Variants in DNAH9 observed in about 807,000 individuals in gnomAD.
DNAH9 encodes the protein dynein axonemal heavy chain 9, also known as DNAH9 variant protein.
Under a neutral mutation model 471.6 loss-of-function variants are expected in DNAH9, and 345 were observed. The ratio of observed to expected loss-of-function variants is 0.73; its 90% CI spans 0.67 to 0.80. DNAH9 has a LOEUF of 0.80. Ranked by LOEUF, DNAH9 falls within the 30% of genes least tolerant of loss-of-function variation. The pLI is 0.00. For synonymous variants in DNAH9, 2,093 were observed against 2,123.6 expected, an observed-to-expected ratio of 0.99 and a Z score of 0.40; for missense variants, 5,407 against 5,609.2, an observed-to-expected ratio of 0.96 and a Z score of 1.15.
chr17:11,783,549 C>A, intron 39 of DNAH9, 97 bp from the exon 40 acceptor site: 1 of 827,554 alleles, frequency 1.2e-6, no homozygotes. Context: ...ATCACCCAAA[C>A]ACATGAACAG....
chr17:11,625,430 A>G (rs1214292944), intron 6 of DNAH9, among the ~76,000 whole-genome samples: 1 of 152,168 alleles, frequency 6.6e-6, no homozygotes, highest in Non-Finnish European at 1.5e-5. Context: ...CCCGGCTTGA[A>G]TATGTGGTCA....
intron 10 of DNAH9, among the ~76,000 whole-genome samples, chr17:11,643,959 G>T (rs2073328916): frequency 6.6e-6 from 1 of 152,212 alleles, no homozygotes; most frequent in African/African-American, 2.4e-5. Flanking sequence ...TGGTACGCTT[G>T]TGTAGGACAC....
At chr17:11,728,271 A>G (rs939980249) in intron 28 of DNAH9, among the ~76,000 whole-genome samples, 4 of 152,232 alleles carry the variant, frequency 2.6e-5, no homozygotes, top group Non-Finnish European at 5.9e-5. Context: ...GTTATAAACC[A>G]AGGCTTAAAT....
Position 11,969,322 on chromosome 17 carries a change from A to T in DNAH9, c.13256A>T (p.Lys4419Met). 6.2e-7 allele frequency: 1 copy of T among 1,614,038 alleles called. No individual in the cohort carries two copies. The highest frequency in any genetic ancestry group is 1.7e-5 in the Admixed American group (1 of 60,014). Residue 4419 changes from lysine to methionine, a missense_variant, in exon 69 of 69, where the codon AAG becomes ATG. This residue lies in a region of DNAH9 where 4,636 missense variants were observed against 4,900.3 expected (regional missense o/e 0.95). Coordinates refer to ENST00000262442, the MANE Select transcript of DNAH9 (RefSeq NM_001372.4). ...CAGGCTGGGATCATTACAGAGGCAA[A>T]GCTGAAGGATCTGACACCCCCTATG... ...DTQAGIITEA[K>M]LKDLTPPMPV...
At chr17:11,958,438 A>G (rs1288063711) in intron 67 of DNAH9, among the ~76,000 whole-genome samples, 1 of 152,224 alleles carries the variant, frequency 6.6e-6, no homozygotes, top group Non-Finnish European at 1.5e-5. Context: ...ATATACTAAA[A>G]TGGTGGATAC....
At chr17:11,794,735 G>T (rs1969184073) in intron 42 of DNAH9, among the ~76,000 whole-genome samples, 1 of 152,068 alleles carries the variant, frequency 6.6e-6, no homozygotes, top group African/African-American at 2.4e-5. Context: ...TTGTTTCTGT[G>T]TTTCCCAAAA....
At chr17:11,631,027 T>TG (rs1380281334) in intron 7 of DNAH9, among the ~76,000 whole-genome samples, 1 of 152,030 alleles carries the variant, frequency 6.6e-6, no homozygotes, top group Non-Finnish European at 1.5e-5. Flanking sequence ...ATTAGTGACT[T>TG]GGGGAGGTAT....
intron 1 of DNAH9, among the ~76,000 whole-genome samples, chr17:11,603,004 C>A (rs947975828): frequency 1.3e-5 from 2 of 152,168 alleles, no homozygotes; most frequent in African/African-American, 4.8e-5. Context: ...GTGCCATGCT[C>A]CTTCATGATC....
chr17:11,881,431 A>C lies in DNAH9; in HGVS notation c.10806+18A>C, dbSNP rs370513508. On this transcript the variant is annotated intron_variant, in intron 55 of 68. Transcript: ENST00000262442. Reference sequence around the variant, plus strand: ...AGCTGAAGGTGAGGACAGAAGGGAGAAAATGTTCTGCCACTAGAGCCTGCA... The same window carrying C: ...AGCTGAAGGTGAGGACAGAAGGGAGCAAATGTTCTGCCACTAGAGCCTGCA... The C allele has an allele frequency of 8.1e-6, 13 of 1,602,718 alleles. No homozygotes were observed. The highest frequency in any genetic ancestry group is 1.1e-5 in the Non-Finnish European group (13 of 1,173,968).
chr17:11,822,819 A>C lies in DNAH9; in HGVS notation c.9031A>C (p.Ile3011Leu). The change falls in exon 48 of 69, where the codon ATT becomes CTT. Residue 3011 changes from isoleucine (I) to leucine (L), a missense_variant. Physicochemically the swap from Ile to Leu is conservative, Grantham distance 5. Around this residue, in one of 3 missense-constraint regions of DNAH9, gnomAD observed 4,636 missense variants for 4,900.3 expected, o/e 0.95. Transcript: ENST00000262442. ...GTTTTAGCCCACAGTAAAGCAGTCG[A>C]TTAGCAAATTCATGGCCTTTGTCCA... is the stretch of plus-strand genomic sequence containing the variant. ...EGIEPTVKQS[I>L]SKFMAFVHTS... The C allele has an allele frequency of 6.2e-7, 1 of 1,614,230 alleles. No individual in the cohort carries two copies. The highest frequency in any genetic ancestry group is 8.5e-7 in the Non-Finnish European group (1 of 1,180,044).
intron 4 of DNAH9, 124 bp from the exon 5 acceptor site, chr17:11,617,287 T>C: frequency 6.2e-6 from 4 of 646,356 alleles, no homozygotes; most frequent in Non-Finnish European, 1.1e-5. Flanking sequence ...GCTAGGAAGT[T>C]TTCTGGAACC....
chr17:11,801,291 A>G (rs1969448715), intron 43 of DNAH9, among the ~76,000 whole-genome samples: 2 of 152,028 alleles, frequency 1.3e-5, no homozygotes, highest in Admixed American at 1.3e-4. Flanking sequence ...TATCCCCCTA[A>G]TCTGATGTGA....
In DNAH9 at chr17:11,763,516, A is replaced by G; in HGVS notation, c.7072A>G (p.Thr2358Ala). 6.2e-7 allele frequency: 1 copy of G among 1,613,932 alleles called. No homozygotes were observed. The highest frequency in any genetic ancestry group is 8.5e-7 in the Non-Finnish European group (1 of 1,179,804). Residue 2358 changes from threonine to alanine, a missense_variant, in exon 36 of 69, where the codon ACG (threonine) becomes GCG (alanine). Thr to Ala is a moderately conservative substitution (Grantham distance 58). This residue lies in a region of DNAH9 where 4,636 missense variants were observed against 4,900.3 expected (regional missense o/e 0.95). Transcript: ENST00000262442. ...TCACCTTCTGGAATGTCTCCTGACC[A>G]CGGAGGACATCCCTGCAGACTGCCC... ...VCHLLECLLT[T>A]EDIPADCPKE...
At chr17:11,945,451 C>T (rs937057053) in intron 67 of DNAH9, among the ~76,000 whole-genome samples, 2 of 151,024 alleles carry the variant, frequency 1.3e-5, no homozygotes, top group East Asian at 3.9e-4. Context: ...GCAGGAGAAT[C>T]GCTTTAACCT....
chr17:11,654,713 C>G (rs1156667218), intron 14 of DNAH9, among the ~76,000 whole-genome samples: 1 of 151,902 alleles, frequency 6.6e-6, no homozygotes, highest in African/African-American at 2.4e-5. Flanking sequence ...ATCTACTATA[C>G]ACTACCATAC....
At chr17:11,830,605 C>T (rs185785155) in intron 48 of DNAH9, among the ~76,000 whole-genome samples, 36 of 151,942 alleles carry the variant, frequency 2.4e-4, no homozygotes, top group East Asian at 1.2e-3. Context: ...TGGGAAGGGA[C>T]GGGTGGGAAA....
In DNAH9 at chr17:11,969,305, G is replaced by T; in HGVS notation, c.13239G>T (p.Gly4413=). ...TTCTCATGTTTTATCCTCAGGCTGG[G>T]ATCATTACAGAGGCAAAGCTGAAGG... is the stretch of plus-strand genomic sequence containing the variant. ...MEGACWDTQA[G]IITEAKLKDL... Residue 4413 remains glycine (G), a synonymous_variant, in exon 69 of 69, where the codon GGG becomes GGT. Coordinates refer to ENST00000262442, the MANE Select transcript of DNAH9 (RefSeq NM_001372.4). The T allele has an allele frequency of 1.2e-6, 2 of 1,613,842 alleles. No homozygotes were observed. Among genetic ancestry groups the T allele is most frequent in the Non-Finnish European group, 1.7e-6 (2 of 1,179,894 alleles).
chr17:11,761,422 T>G (rs983593388), intron 35 of DNAH9, among the ~76,000 whole-genome samples: 2 of 152,180 alleles, frequency 1.3e-5, no homozygotes, highest in African/African-American at 4.8e-5. Context: ...CTTTGATAGT[T>G]TTTGGGAGCT....
At chr17:11,904,563 G>A (rs1019754248) in intron 60 of DNAH9, among the ~76,000 whole-genome samples, 2 of 147,456 alleles carry the variant, frequency 1.4e-5, no homozygotes. Flanking sequence ...TGGTGGAGGC[G>A]GATGTTGCAG....
Sources: gnomAD v4.1 joint callset for allele counts (sites outside exome capture counted in the v4.1 genomes callset) on GRCh38, gnomAD v4.1.1 for gene constraint, gnomAD v4.1.1 regional missense constraint, MANE v1.5 for transcripts, NCBI Gene and HGNC (gene_info 2026-07-23, HGNC 2026-07-21) for gene names.